The following TSPAN5 variants were observed in gnomAD, a reference collection of about 807,000 sequenced individuals.
The protein encoded by TSPAN5 is tetraspanin-5.
In TSPAN5, 10 loss-of-function variants were observed where a neutral mutation model predicts 37.1. That is an observed-to-expected ratio of 0.27 (90% CI 0.17 to 0.46). The LOEUF (loss-of-function observed/expected upper bound fraction) is 0.46. Among genes scored for constraint, TSPAN5 ranks in the 20% least tolerant of loss-of-function variants. The probability of loss-of-function intolerance (pLI) is 1.00; values close to 1 mark genes in which losing one functional copy is unlikely to be tolerated. For synonymous variants in TSPAN5, 110 were observed against 118.9 expected, an observed-to-expected ratio of 0.93 and a Z score of 0.48; for missense variants, 195 against 326.6, an observed-to-expected ratio of 0.60 and a Z score of 3.11.
intron 1 of TSPAN5, among the ~76,000 whole-genome samples, chr4:98,533,470 G>A (rs1237593860): frequency 4.7e-5 from 7 of 148,312 alleles, no homozygotes. Context: ...TCATTTATTT[G>A]CATAGAGGTG....
chr4:98,595,151 T>A (rs1335386288), intron 1 of TSPAN5, among the ~76,000 whole-genome samples: 3 of 107,670 alleles, frequency 2.8e-5, no homozygotes, highest in Admixed American at 1.9e-4. Flanking sequence ...TTCAACTTCT[T>A]CCTGGTTTTG....
intron 1 of TSPAN5, among the ~76,000 whole-genome samples, chr4:98,524,986 T>A (rs889018280): frequency 2.0e-5 from 3 of 152,242 alleles, no homozygotes; most frequent in Non-Finnish European, 2.9e-5. Flanking sequence ...GATGTTTCTA[T>A]GGCCAGGTCT....
rs1221336575 is a variant in TSPAN5, at chr4:98,594,508, G to A, written c.81+63638C>T. 8.9e-5 allele frequency among the ~76,000 whole-genome samples: 5 copies of A among 56,364 alleles called. 1 individual carries two copies. Among genetic ancestry groups the A allele is most frequent in the Non-Finnish European group, 1.5e-4 (5 of 34,298 alleles). The allele number at this position is 56,364 out of a possible 152,430, so 37.0% of individuals were successfully genotyped here. ...AGGAGCCGTGAGAGAGGGCATCCCCGTCTTGTGCCAGTTTTCAAAGGGAAT... is the reference window on the plus strand; with the variant it reads ...AGGAGCCGTGAGAGAGGGCATCCCCATCTTGTGCCAGTTTTCAAAGGGAAT... On this transcript the variant is annotated intron_variant, in intron 1 of 7. Transcript: ENST00000305798.
intron 1 of TSPAN5, among the ~76,000 whole-genome samples, chr4:98,604,195 G>A (rs896429675): frequency 2.6e-5 from 4 of 152,010 alleles, no homozygotes; most frequent in Admixed American, 1.3e-4. Context: ...CATCACTCCG[G>A]GAAATGAAGC....
intron 1 of TSPAN5, among the ~76,000 whole-genome samples, chr4:98,590,753 G>A (rs1290191105): frequency 1.3e-5 from 2 of 151,292 alleles, no homozygotes; most frequent in Admixed American, 6.6e-5. Flanking sequence ...TAACTTGTCC[G>A]AGGTCACAGT....
chr4:98,482,255 C>G, intron 3 of TSPAN5, 80 bp from the exon 4 acceptor site: 1 of 1,325,716 alleles, frequency 7.5e-7, no homozygotes, highest in Non-Finnish European at 1.0e-6. Context: ...CCTCTCTAAA[C>G]AGGTTTGTAA....
intron 1 of TSPAN5, among the ~76,000 whole-genome samples, chr4:98,568,451 A>C (rs1220767353): frequency 6.6e-6 from 1 of 152,028 alleles, no homozygotes. Flanking sequence ...CTGAGGCAGG[A>C]GAATCGTTTG....
intron 1 of TSPAN5, among the ~76,000 whole-genome samples, chr4:98,515,383 C>A (rs1438139020): frequency 6.6e-6 from 1 of 152,130 alleles, no homozygotes; most frequent in Non-Finnish European, 1.5e-5. Flanking sequence ...TCAGTTCCTG[C>A]CCCCCTCCTG....
At chr4:98,540,393 A>C (rs1197482619) in intron 1 of TSPAN5, among the ~76,000 whole-genome samples, 1 of 151,734 alleles carries the variant, frequency 6.6e-6, no homozygotes, top group East Asian at 1.9e-4. Flanking sequence ...GCTGGAGTGC[A>C]GTGGCGCGAT....
chr4:98,602,202 T>C (rs1214092630), intron 1 of TSPAN5, among the ~76,000 whole-genome samples: 1 of 152,124 alleles, frequency 6.6e-6, no homozygotes, highest in Non-Finnish European at 1.5e-5. Flanking sequence ...ACTGATACTC[T>C]TGCTCCATGA....
At chr4:98,654,368 A>G (rs1438590536) in intron 1 of TSPAN5, among the ~76,000 whole-genome samples, 1 of 152,246 alleles carries the variant, frequency 6.6e-6, no homozygotes, top group Non-Finnish European at 1.5e-5. Context: ...AACAGTTAAA[A>G]GCCAGAATCC....
intron 1 of TSPAN5, among the ~76,000 whole-genome samples, chr4:98,582,250 C>T (rs1579007850): frequency 6.6e-6 from 1 of 152,210 alleles, no homozygotes; most frequent in South Asian, 2.1e-4. Flanking sequence ...CCGCATGTTG[C>T]GTTTGCTGGC....
At chr4:98,517,915 A>G (rs1199861203) in intron 1 of TSPAN5, among the ~76,000 whole-genome samples, 1 of 152,236 alleles carries the variant, frequency 6.6e-6, no homozygotes, top group Non-Finnish European at 1.5e-5. Flanking sequence ...AGACTGAGGA[A>G]TAACTCAAGC....
At chr4:98,576,991 C>A (rs960431757) in intron 1 of TSPAN5, among the ~76,000 whole-genome samples, 5 of 152,116 alleles carry the variant, frequency 3.3e-5, no homozygotes, top group Non-Finnish European at 7.4e-5. Context: ...GAACTCCTGA[C>A]CTCAGGTGAT....
At chr4:98,524,260 T>C (rs1264846757) in intron 1 of TSPAN5, among the ~76,000 whole-genome samples, 1 of 152,234 alleles carries the variant, frequency 6.6e-6, no homozygotes, top group Non-Finnish European at 1.5e-5. Context: ...TGATACAAGA[T>C]TTCATTTAAA....
chr4:98,617,772 C>T (rs540662162), intron 1 of TSPAN5, among the ~76,000 whole-genome samples: 20 of 152,170 alleles, frequency 1.3e-4, no homozygotes, highest in Admixed American at 3.3e-4. Context: ...CCAAAGCTAG[C>T]GGTGCCAGCC....
intron 1 of TSPAN5, among the ~76,000 whole-genome samples, chr4:98,646,051 G>T (rs1243532963): frequency 6.6e-6 from 1 of 151,956 alleles, no homozygotes; most frequent in Non-Finnish European, 1.5e-5. Context: ...TATGGAAGAG[G>T]CAACTTGGAA....
At chr4:98,517,478 C>T (rs1753760894) in intron 1 of TSPAN5, among the ~76,000 whole-genome samples, 1 of 151,994 alleles carries the variant, frequency 6.6e-6, no homozygotes, top group Non-Finnish European at 1.5e-5. Context: ...TCTCTGTTTT[C>T]CCAGAGGATG....
At chr4:98,561,367 A>G (rs1467296945) in intron 1 of TSPAN5, among the ~76,000 whole-genome samples, 1 of 152,234 alleles carries the variant, frequency 6.6e-6, no homozygotes, top group Non-Finnish European at 1.5e-5. Flanking sequence ...CTGACCCAAC[A>G]TGGAGAAACC....
Sources: allele counts gnomAD v4.1 joint callset (sites outside exome capture counted in the v4.1 genomes callset), GRCh38; gene constraint gnomAD v4.1.1; transcripts MANE v1.5; gene names NCBI Gene and HGNC (gene_info 2026-07-23, HGNC 2026-07-21).